The following PKIB variants were observed in gnomAD, a reference collection of about 807,000 sequenced individuals.
PKIB encodes the protein PKI-beta.
PKIB carries 2 observed loss-of-function variants against 4.5 expected under a neutral mutation model. That is an observed-to-expected ratio of 0.44 (90% confidence interval 0.18 to 1.39). PKIB has a LOEUF of 1.39. Ranked by LOEUF, PKIB falls within the 40% of genes most tolerant of loss-of-function variation. The pLI is 0.27. For missense variants in PKIB, 94 were observed against 92.6 expected (o/e 1.02, Z -0.06); for synonymous variants, 38 against 36.0 (o/e 1.06, Z -0.20).
chr6:122,711,059 G>A (rs1434957366), intron 3 of PKIB, among the ~76,000 whole-genome samples: 20 of 151,992 alleles, frequency 1.3e-4, no homozygotes, highest in Admixed American at 1.3e-3. Flanking sequence ...CTTTGCTATG[G>A]TTATAACCAC....
At chr6:122,598,214 A>G (rs1451668569) in intron 3 of PKIB, among the ~76,000 whole-genome samples, 1 of 152,166 alleles carries the variant, frequency 6.6e-6, no homozygotes, top group East Asian at 1.9e-4. Context: ...CTGTTTTATA[A>G]TTCAAATTAG....
chr6:122,557,714 T>C (rs989055594), intron 2 of PKIB, among the ~76,000 whole-genome samples: 5 of 152,190 alleles, frequency 3.3e-5, no homozygotes, highest in Admixed American at 1.3e-4. Context: ...GACCTCTCAT[T>C]AGCTTACCTC....
intron 2 of PKIB, among the ~76,000 whole-genome samples, chr6:122,538,496 T>C (rs1414584345): frequency 1.3e-5 from 2 of 152,064 alleles, no homozygotes; most frequent in African/African-American, 4.8e-5. Context: ...TGTAGATACG[T>C]GGCATTATTT....
chr6:122,679,045 T>C (rs1239974399), intron 3 of PKIB, among the ~76,000 whole-genome samples: 1 of 152,104 alleles, frequency 6.6e-6, no homozygotes, highest in Non-Finnish European at 1.5e-5. Flanking sequence ...CAGACTTCTG[T>C]GGCTACAGGC....
intron 2 of PKIB, chr6:122,483,547 A>G (rs542078544): frequency 1.3e-5 from 2 of 152,348 alleles, no homozygotes; most frequent in South Asian, 4.1e-4. Flanking sequence ...AAAGTTTATT[A>G]ACATATGCAT....
At chr6:122,718,067 C>A in intron 4 of PKIB, 104 bp downstream of exon 4, 1 of 1,192,758 alleles carries the variant, frequency 8.4e-7, no homozygotes, top group South Asian at 1.6e-5. Context: ...GCTCAGTTTC[C>A]TTATTTGTTT....
At chr6:122,682,084 A>T (rs1038887519) in intron 3 of PKIB, among the ~76,000 whole-genome samples, 1 of 152,022 alleles carries the variant, frequency 6.6e-6, no homozygotes, top group Non-Finnish European at 1.5e-5. Flanking sequence ...ACAGTTATCT[A>T]GCCTTTCAAT....
At chr6:122,484,523 T>C (rs1335381260) in intron 2 of PKIB, among the ~76,000 whole-genome samples, 4 of 152,102 alleles carry the variant, frequency 2.6e-5, no homozygotes, top group Non-Finnish European at 5.9e-5. Flanking sequence ...TTTATTCTTA[T>C]AAAAAGAAGA....
At position 122,477,845 on chromosome 6, in the gene PKIB, T is replaced by A. The variant is rs1225032811; in HGVS notation, c.-336-6T>A. 5 of 152,318 alleles carry A rather than the reference T, an allele frequency of 3.3e-5. No homozygotes were observed. The East Asian group carries it at 7.7e-4, about 24-fold the overall frequency. The allele number at this position is 152,318 out of a possible 1,614,324, so 9.4% of individuals were successfully genotyped here. On this transcript the variant is annotated splice_region_variant and splice_polypyrimidine_tract_variant and intron_variant, in intron 1 of 6. Coordinates refer to the PKIB transcript ENST00000392491. Reference sequence around the variant, plus strand: ...ATTAAGAACTTTGGGTACTTTTTCCTCACAGTTTTTACCCTGTTGAAGATT... The same window carrying A: ...ATTAAGAACTTTGGGTACTTTTTCCACACAGTTTTTACCCTGTTGAAGATT...
At chr6:122,557,996 A>G (rs953630139) in intron 2 of PKIB, among the ~76,000 whole-genome samples, 4 of 152,176 alleles carry the variant, frequency 2.6e-5, no homozygotes, top group African/African-American at 9.7e-5. Flanking sequence ...GGAAATCATC[A>G]TGTTAACACA....
chr6:122,496,011 C>G (rs1776068029), intron 2 of PKIB, among the ~76,000 whole-genome samples: 1 of 152,152 alleles, frequency 6.6e-6, no homozygotes. Flanking sequence ...GCTTGGGGCT[C>G]CAGCTCAACC....
At chr6:122,693,018 G>A (rs1288410888) in intron 3 of PKIB, among the ~76,000 whole-genome samples, 2 of 152,214 alleles carry the variant, frequency 1.3e-5, no homozygotes, top group Admixed American at 6.5e-5. Flanking sequence ...ATTTGCTGAG[G>A]ATAAAGGACT....
At chr6:122,673,514 A>G (rs746963564) in intron 2 of PKIB, among the ~76,000 whole-genome samples, 10 of 152,162 alleles carry the variant, frequency 6.6e-5, no homozygotes, top group Non-Finnish European at 5.9e-5. Flanking sequence ...TGGTCTGGAC[A>G]TATAGGACTC....
At chr6:122,489,281 T>C (rs1280424402) in intron 2 of PKIB, among the ~76,000 whole-genome samples, 1 of 151,950 alleles carries the variant, frequency 6.6e-6, no homozygotes, top group African/African-American at 2.4e-5. Flanking sequence ...AAAGTCTTGC[T>C]TTGTTGCCCA....
At chr6:122,486,383 G>C (rs922661615) in intron 2 of PKIB, among the ~76,000 whole-genome samples, 4 of 151,956 alleles carry the variant, frequency 2.6e-5, no homozygotes, top group Non-Finnish European at 4.4e-5. Context: ...TCTTGTTTTG[G>C]TTTCTTTTTT....
chr6:122,591,040 AC>A (rs1410767563), intron 3 of PKIB, among the ~76,000 whole-genome samples: 6 of 151,976 alleles, frequency 3.9e-5, no homozygotes. Context: ...AAACAGACAA[AC>A]AAAAAAACAA....
chr6:122,537,412 CG>C (rs1777440872), intron 2 of PKIB, among the ~76,000 whole-genome samples: 1 of 151,886 alleles, frequency 6.6e-6, no homozygotes, highest in South Asian at 2.1e-4. Flanking sequence ...TGAGAACATG[CG>C]GTTTTTTGTG....
chr6:122,596,109 C>T (rs1774168247), intron 3 of PKIB, among the ~76,000 whole-genome samples: 1 of 152,222 alleles, frequency 6.6e-6, no homozygotes, highest in South Asian at 2.1e-4. Context: ...GGCCATTTCT[C>T]CTTCCATGCA....
At chr6:122,520,236 T>C (rs1776892233) in intron 2 of PKIB, among the ~76,000 whole-genome samples, 1 of 152,080 alleles carries the variant, frequency 6.6e-6, no homozygotes, top group Non-Finnish European at 1.5e-5. Flanking sequence ...GATTATAAGC[T>C]CCTAGAAGAA....
Sources: gnomAD v4.1 joint callset for allele counts (sites outside exome capture counted in the v4.1 genomes callset) on GRCh38, gnomAD v4.1.1 for gene constraint, MANE v1.5 for transcripts, NCBI Gene and HGNC (gene_info 2026-07-23, HGNC 2026-07-21) for gene names.